The following SMYD3 variants were observed in gnomAD, a reference collection of about 807,000 sequenced individuals.
The protein encoded by SMYD3 is SET and MYND domain containing 3, also known as histone-lysine N-methyltransferase SMYD3.
A neutral mutation model predicts 57.7 loss-of-function variants in SMYD3; 36 were observed. That is an observed-to-expected ratio of 0.62 (90% CI 0.48 to 0.82). SMYD3 has a LOEUF of 0.82. Ranked by LOEUF, SMYD3 falls within the 40% of genes least tolerant of loss-of-function variation. SMYD3 has a pLI of 0.00. For missense variants in SMYD3, 515 were observed against 538.8 expected, an observed-to-expected ratio of 0.96 and a Z score of 0.44; for synonymous variants, 211 against 195.0, an observed-to-expected ratio of 1.08 and a Z score of -0.68.
chr1:246,103,324 C>G (rs566195453), intron 5 of SMYD3, among the ~76,000 whole-genome samples: 10 of 152,138 alleles, frequency 6.6e-5, no homozygotes, highest in Admixed American at 2.0e-4. Flanking sequence ...ATTTTGAGAA[C>G]AGAATATTAA....
chr1:246,269,628 G>A (rs1400349312), intron 5 of SMYD3, among the ~76,000 whole-genome samples: 1 of 150,454 alleles, frequency 6.6e-6, no homozygotes, highest in African/African-American at 2.4e-5. Flanking sequence ...CAGTGCAGTG[G>A]TGCAATCACA....
intron 5 of SMYD3, among the ~76,000 whole-genome samples, chr1:246,303,960 G>C (rs1572357568): frequency 6.6e-6 from 1 of 152,150 alleles, no homozygotes. Flanking sequence ...TTTGTAGAAG[G>C]AAACTAATTA....
At position 245,950,672 on chromosome 1, in the gene SMYD3, T is replaced by C. The variant is rs149625937; in HGVS notation, c.532-20735A>G. Among the ~76,000 whole-genome samples the C allele has an allele frequency of 5.6e-3, 851 of 152,332 alleles. 12 individuals are homozygous for C. The highest frequency in any genetic ancestry group is 0.02 in the African/African-American group (814 of 41,578). On this transcript the variant is annotated intron_variant, in intron 5 of 11. Coordinates refer to ENST00000490107, the MANE Select transcript of SMYD3 (RefSeq NM_001167740.2). ...CATATGTCACTCAAAATCCAAAATA[T>C]GCCTCCGATATAAAGTTACACTGCT...
intron 5 of SMYD3, among the ~76,000 whole-genome samples, chr1:246,064,332 C>T (rs2060305335): frequency 2.6e-5 from 4 of 152,140 alleles, no homozygotes; most frequent in Admixed American, 2.0e-4. Flanking sequence ...ACACTTTCTC[C>T]CTTTTGTACT....
chr1:246,412,393 C>T (rs1168418922), intron 1 of SMYD3, among the ~76,000 whole-genome samples: 3 of 152,178 alleles, frequency 2.0e-5, no homozygotes, highest in Non-Finnish European at 4.4e-5. Context: ...AAAACCTTAA[C>T]ATTCTTTAAT....
intron 5 of SMYD3, among the ~76,000 whole-genome samples, chr1:246,144,533 A>G (rs1482612035): frequency 6.6e-6 from 1 of 152,208 alleles, no homozygotes; most frequent in Non-Finnish European, 1.5e-5. Context: ...TTCTAATTAT[A>G]TGAGAATGGG....
intron 5 of SMYD3, among the ~76,000 whole-genome samples, chr1:246,110,419 G>C (rs1290042337): frequency 6.6e-6 from 1 of 152,184 alleles, no homozygotes; most frequent in Non-Finnish European, 1.5e-5. Context: ...AACACTCAGG[G>C]GGCTACGGGT....
At chr1:246,258,968 C>A (rs1392037905) in intron 5 of SMYD3, among the ~76,000 whole-genome samples, 1 of 152,194 alleles carries the variant, frequency 6.6e-6, no homozygotes, top group Non-Finnish European at 1.5e-5. Context: ...GACTGATCTT[C>A]AAGTTCTGAA....
At chr1:246,000,185 T>C (rs1024371018) in intron 5 of SMYD3, among the ~76,000 whole-genome samples, 3 of 151,958 alleles carry the variant, frequency 2.0e-5, no homozygotes, top group African/African-American at 7.3e-5. Context: ...GCATTGTGAC[T>C]GCCAGGCTGT....
intron 5 of SMYD3, among the ~76,000 whole-genome samples, chr1:246,272,227 C>G (rs974356737): frequency 6.6e-6 from 1 of 152,150 alleles, no homozygotes; most frequent in Non-Finnish European, 1.5e-5. Flanking sequence ...CATCTATGAA[C>G]AGAGATAATT....
intron 5 of SMYD3, among the ~76,000 whole-genome samples, chr1:246,289,792 A>G (rs2064650622): frequency 6.6e-6 from 1 of 152,170 alleles, no homozygotes; most frequent in African/African-American, 2.4e-5. Flanking sequence ...GGAGGTCCAC[A>G]ACCATAATCC....
intron 5 of SMYD3, among the ~76,000 whole-genome samples, chr1:245,994,455 G>C (rs1478165029): frequency 6.6e-6 from 1 of 152,300 alleles, no homozygotes; most frequent in East Asian, 1.9e-4. Flanking sequence ...CGGATGGCTA[G>C]AGACGCTGTG....
chr1:246,433,218 T>G (rs1191756271), intron 1 of SMYD3, among the ~76,000 whole-genome samples: 1 of 152,082 alleles, frequency 6.6e-6, no homozygotes, highest in East Asian at 1.9e-4. Flanking sequence ...TCACTTACAA[T>G]AGACACACAC....
chr1:246,408,309 A>G (rs931589403), intron 1 of SMYD3, among the ~76,000 whole-genome samples: 1 of 152,100 alleles, frequency 6.6e-6, no homozygotes, highest in Admixed American at 6.6e-5. Context: ...ATAAATAGTT[A>G]TATATTATCT....
At chr1:246,491,557 AAAAG>A (rs1412394427) in intron 1 of SMYD3, among the ~76,000 whole-genome samples, 1,631 of 146,794 alleles carry the variant, frequency 0.011, 8 homozygotes, top group Non-Finnish European at 0.015. Flanking sequence ...AAAAAAAAAA[AAAAG>A]AGAGAGAAAT....
intron 5 of SMYD3, among the ~76,000 whole-genome samples, chr1:246,157,542 A>C (rs1180028503): frequency 6.6e-6 from 1 of 152,178 alleles, no homozygotes; most frequent in East Asian, 1.9e-4. Flanking sequence ...CAGATGCAAA[A>C]GGCCTAATTC....
At chr1:246,399,939 TC>T (rs2066740513) in intron 1 of SMYD3, among the ~76,000 whole-genome samples, 1 of 152,178 alleles carries the variant, frequency 6.6e-6, no homozygotes, top group Admixed American at 6.5e-5. Context: ...TCTCACTGTA[TC>T]CACGTCCTCA....
At chr1:246,285,621 A>T (rs1465079310) in intron 5 of SMYD3, among the ~76,000 whole-genome samples, 1 of 152,246 alleles carries the variant, frequency 6.6e-6, no homozygotes, top group Non-Finnish European at 1.5e-5. Context: ...AGCAAATGCA[A>T]CAAAAACAAA....
intron 8 of SMYD3, among the ~76,000 whole-genome samples, chr1:245,882,860 G>C (rs544377203): frequency 3.3e-4 from 50 of 152,272 alleles, no homozygotes; most frequent in South Asian, 1.7e-3. Context: ...AATTTTCCTG[G>C]GTAGAAATAA....
Sources: allele counts gnomAD v4.1 joint callset (sites outside exome capture counted in the v4.1 genomes callset), GRCh38; gene constraint gnomAD v4.1.1; transcripts MANE v1.5; gene names NCBI Gene and HGNC (gene_info 2026-07-23, HGNC 2026-07-21).